The following FRMD4A variants were observed in gnomAD, a reference collection of about 807,000 sequenced individuals.
FRMD4A encodes FERM domain-containing protein 4A.
A neutral mutation model predicts 129.1 loss-of-function variants in FRMD4A; 29 were observed. The ratio of observed to expected loss-of-function variants is 0.22; its 90% CI spans 0.17 to 0.31. The LOEUF is 0.31. Among genes scored for constraint, FRMD4A ranks in the 10% least tolerant of loss-of-function variants. The pLI is 1.00. For missense variants in FRMD4A, 1,272 were observed against 1,375.8 expected (o/e 0.92, Z 1.19); for synonymous variants, 634 against 571.6 (o/e 1.11, Z -1.56).
chr10:13,680,354 A>G (rs963549417), intron 15 of FRMD4A, among the ~76,000 whole-genome samples: 5 of 152,138 alleles, frequency 3.3e-5, no homozygotes, highest in African/African-American at 1.2e-4. Context: ...ATGCTGATTT[A>G]TCCATTTTCA....
chr10:13,700,797 A>G (rs1452078273), intron 14 of FRMD4A, among the ~76,000 whole-genome samples: 1 of 122,716 alleles, frequency 8.1e-6, no homozygotes, highest in African/African-American at 3.1e-5. Context: ...CTCTAGGTCT[A>G]CCTTAGGGAA....
chr10:14,036,112 G>A (rs1254333563), intron 2 of FRMD4A, among the ~76,000 whole-genome samples: 2 of 151,922 alleles, frequency 1.3e-5, no homozygotes, highest in African/African-American at 4.8e-5. Flanking sequence ...TCCACAATGT[G>A]CATTTGAACC....
At chr10:14,223,124 A>T (rs1843317223) in intron 2 of FRMD4A, among the ~76,000 whole-genome samples, 1 of 151,998 alleles carries the variant, frequency 6.6e-6, no homozygotes, top group Non-Finnish European at 1.5e-5. Context: ...ACAACAACAA[A>T]ACACCAGTGA....
At chr10:14,027,944 G>A (rs1182294746) in intron 2 of FRMD4A, among the ~76,000 whole-genome samples, 1 of 152,062 alleles carries the variant, frequency 6.6e-6, no homozygotes, top group African/African-American at 2.4e-5. Flanking sequence ...TGAGCCACTT[G>A]GAGTAACTGG....
chr10:13,891,886 C>G, intron 2 of FRMD4A: 3 of 286,472 alleles, frequency 1.0e-5, no homozygotes, highest in Non-Finnish European at 1.5e-5. Flanking sequence ...CCCTCGCCCG[C>G]GCCCGGCCCG....
intron 2 of FRMD4A, among the ~76,000 whole-genome samples, chr10:14,199,477 C>T (rs1234364783): frequency 6.6e-6 from 1 of 151,984 alleles, no homozygotes; most frequent in Non-Finnish European, 1.5e-5. Context: ...GCAATCTCCA[C>T]CTCCCGGGCT....
intron 18 of FRMD4A, among the ~76,000 whole-genome samples, chr10:13,664,359 T>C (rs988221887): frequency 1.3e-5 from 2 of 151,964 alleles, no homozygotes; most frequent in Admixed American, 1.3e-4. Context: ...TCAAATGGAG[T>C]GTCAGAAAGA....
chr10:13,926,107 A>G (rs949481786), intron 2 of FRMD4A, among the ~76,000 whole-genome samples: 2 of 152,150 alleles, frequency 1.3e-5, no homozygotes, highest in Non-Finnish European at 2.9e-5. Context: ...AGGGGAATAT[A>G]TTCAACCCAG....
At chr10:14,112,897 G>A (rs939092499) in intron 2 of FRMD4A, among the ~76,000 whole-genome samples, 1 of 152,092 alleles carries the variant, frequency 6.6e-6, no homozygotes, top group Non-Finnish European at 1.5e-5. Flanking sequence ...CCCTCAATGT[G>A]TGTAATTATT....
intron 2 of FRMD4A, among the ~76,000 whole-genome samples, chr10:13,931,186 C>A (rs1309396265): frequency 6.6e-6 from 1 of 152,042 alleles, no homozygotes; most frequent in Non-Finnish European, 1.5e-5. Context: ...ATGGTTTAAC[C>A]CACCAATATG....
At chr10:13,750,089 A>AAAGAAAGAAATG (rs2091515042) in intron 8 of FRMD4A, among the ~76,000 whole-genome samples, 68 of 81,854 alleles carry the variant, frequency 8.3e-4, no homozygotes, top group African/African-American at 3.1e-3. Flanking sequence ...AGAAAGAAAG[A>AAAGAAAGAAATG]AAGAAAGAAA....
chr10:14,232,461 G>A (rs1564404597), intron 2 of FRMD4A, among the ~76,000 whole-genome samples: 1 of 152,178 alleles, frequency 6.6e-6, no homozygotes, highest in Non-Finnish European at 1.5e-5. Context: ...TTCTAATTCT[G>A]TGAAGAATGT....
At chr10:13,700,395 T>C (rs17544732) in intron 14 of FRMD4A, among the ~76,000 whole-genome samples, 50,403 of 152,050 alleles carry the variant, frequency 0.33, 8,669 homozygotes, top group Non-Finnish European at 0.37. Flanking sequence ...GTGACTCTTG[T>C]GCCCAGTAAG....
intron 2 of FRMD4A, among the ~76,000 whole-genome samples, chr10:14,049,407 A>G (rs1483007525): frequency 6.6e-6 from 1 of 152,148 alleles, no homozygotes; most frequent in African/African-American, 2.4e-5. Flanking sequence ...AGTATTCAAG[A>G]TCTTTAGGGA....
At chr10:13,678,219 G>A (rs929591169) in intron 15 of FRMD4A, among the ~76,000 whole-genome samples, 1 of 152,146 alleles carries the variant, frequency 6.6e-6, no homozygotes, top group African/African-American at 2.4e-5. Flanking sequence ...AGACTAGATG[G>A]CTCAAGAGCC....
chr10:14,222,078 T>A (rs1162284099), intron 2 of FRMD4A, among the ~76,000 whole-genome samples: 1 of 152,230 alleles, frequency 6.6e-6, no homozygotes, highest in Non-Finnish European at 1.5e-5. Context: ...ATGTGTCCAA[T>A]GTCTCAATTT....
chr10:13,986,914 G>T (rs898198161), intron 2 of FRMD4A, among the ~76,000 whole-genome samples: 3 of 151,980 alleles, frequency 2.0e-5, no homozygotes, highest in Admixed American at 1.3e-4. Context: ...TCGGTCAGTG[G>T]TTCTCATACC....
At chr10:13,662,091 C>T (rs2082680802) in intron 19 of FRMD4A, among the ~76,000 whole-genome samples, 1 of 152,166 alleles carries the variant, frequency 6.6e-6, no homozygotes, top group African/African-American at 2.4e-5. Flanking sequence ...GTGACATTAC[C>T]TATTGCTCCA....
chr10:14,252,449 CT>C (rs1321689378), intron 2 of FRMD4A, among the ~76,000 whole-genome samples: 1 of 152,130 alleles, frequency 6.6e-6, no homozygotes, highest in East Asian at 1.9e-4. Flanking sequence ...GTTCTTGACT[CT>C]TTTTGGGGTA....
Sources: gnomAD v4.1 joint callset for allele counts (sites outside exome capture counted in the v4.1 genomes callset) on GRCh38, gnomAD v4.1.1 for gene constraint, MANE v1.5 for transcripts, NCBI Gene and HGNC (gene_info 2026-07-23, HGNC 2026-07-21) for gene names.